TAFA1: variants seen among roughly 807,000 people sequenced by gnomAD.
TAFA1 encodes the protein TAFA chemokine like family member 1, also known as chemokine-like protein TAFA-1.
A neutral mutation model predicts 18.5 loss-of-function variants in TAFA1; 4 were observed. That is an observed-to-expected ratio of 0.22 (90% CI 0.11 to 0.49). The LOEUF (loss-of-function observed/expected upper bound fraction) is 0.49. TAFA1 is among the 20% of genes least tolerant of loss of function. The probability of loss-of-function intolerance (pLI) is 0.98; values close to 1 mark genes in which losing one functional copy is unlikely to be tolerated. For synonymous variants in TAFA1, 56 were observed against 55.2 expected, an observed-to-expected ratio of 1.01 and a Z score of -0.06; for missense variants, 147 against 169.0, an observed-to-expected ratio of 0.87 and a Z score of 0.72.
chr3:68,377,681 GATCTTAGCAGTATCCCCTCCC>G (rs2069845049), intron 2 of TAFA1, among the ~76,000 whole-genome samples: 1 of 152,170 alleles, frequency 6.6e-6, no homozygotes, highest in South Asian at 2.1e-4. Context: ...GCATGTCAGA[GATCTTAGCAGTATCCCCTCCC>G]ATCACAGGCC....
intron 3 of TAFA1, among the ~76,000 whole-genome samples, chr3:68,491,366 A>G (rs1360240195): frequency 6.6e-6 from 1 of 152,180 alleles, no homozygotes; most frequent in East Asian, 1.9e-4. Flanking sequence ...GCCATAAAAA[A>G]TGATGAGTTC....
intron 3 of TAFA1, among the ~76,000 whole-genome samples, chr3:68,505,218 CA>C (rs1471543344): frequency 3.3e-5 from 5 of 152,052 alleles, no homozygotes; most frequent in African/African-American, 1.2e-4. Flanking sequence ...AGTGTTCAAC[CA>C]AACACAAAAA....
intron 2 of TAFA1, among the ~76,000 whole-genome samples, chr3:68,175,184 C>T (rs988413366): frequency 1.5e-4 from 23 of 152,144 alleles, no homozygotes; most frequent in Non-Finnish European, 2.4e-4. Context: ...TTGCTGCAGG[C>T]GCAGGGCCCT....
chr3:68,525,284 G>A (rs899978566), intron 3 of TAFA1, among the ~76,000 whole-genome samples: 12 of 152,164 alleles, frequency 7.9e-5, no homozygotes, highest in South Asian at 4.1e-4. Flanking sequence ...CTGGTTTAGC[G>A]GGTTTGATAT....
chr3:68,366,560 G>C (rs1417973330), intron 2 of TAFA1, among the ~76,000 whole-genome samples: 1 of 151,678 alleles, frequency 6.6e-6, no homozygotes, highest in African/African-American at 2.4e-5. Flanking sequence ...CCATGAAGTA[G>C]TGTAATGTAG....
At chr3:67,993,165 TG>T in the TAFA1 span, among the ~76,000 whole-genome samples, 1 of 152,230 alleles carries the variant, frequency 6.6e-6, no homozygotes, top group Non-Finnish European at 1.5e-5. Flanking sequence ...AAATATATAT[TG>T]GGTAGTAGGC....
intron 2 of TAFA1, among the ~76,000 whole-genome samples, chr3:68,122,084 G>T (rs761704713): frequency 1.3e-5 from 2 of 151,994 alleles, no homozygotes; most frequent in South Asian, 4.1e-4. Context: ...ATTTTACCAA[G>T]AAACAAATGG....
At chr3:68,251,959 G>T (rs1439911912) in intron 2 of TAFA1, among the ~76,000 whole-genome samples, 2 of 152,258 alleles carry the variant, frequency 1.3e-5, no homozygotes, top group Middle Eastern at 3.4e-3. Flanking sequence ...ACTCACACTG[G>T]GGTCTATGCA....
chr3:68,196,639 T>C (rs1042762074), intron 2 of TAFA1, among the ~76,000 whole-genome samples: 1 of 151,798 alleles, frequency 6.6e-6, no homozygotes, highest in Non-Finnish European at 1.5e-5. Flanking sequence ...TCTATTTTTC[T>C]GTGTTATATT....
At chr3:68,067,323 A>AT (rs1261013965) in intron 2 of TAFA1, among the ~76,000 whole-genome samples, 3 of 151,812 alleles carry the variant, frequency 2.0e-5, no homozygotes, top group Non-Finnish European at 4.4e-5. Context: ...TTCCTTCATC[A>AT]TTTTTTCATT....
At chr3:68,326,820 A>G (rs2068783977) in intron 2 of TAFA1, among the ~76,000 whole-genome samples, 2 of 152,192 alleles carry the variant, frequency 1.3e-5, no homozygotes, top group Admixed American at 6.5e-5. Context: ...ATAAATAAAT[A>G]GGGGCTGAGA....
At chr3:68,314,383 A>G (rs2068572146) in intron 2 of TAFA1, among the ~76,000 whole-genome samples, 1 of 152,190 alleles carries the variant, frequency 6.6e-6, no homozygotes, top group African/African-American at 2.4e-5. Flanking sequence ...CTACAGAGTT[A>G]CAGCAAAGTC....
intron 3 of TAFA1, among the ~76,000 whole-genome samples, chr3:68,505,281 T>C (rs2072727926): frequency 6.6e-6 from 1 of 152,286 alleles, no homozygotes; most frequent in South Asian, 2.1e-4. Context: ...GCTGTATTCT[T>C]CCAAAGTCTT....
chr3:68,150,582 T>A (rs1179840728), intron 2 of TAFA1, among the ~76,000 whole-genome samples: 1 of 152,160 alleles, frequency 6.6e-6, no homozygotes, highest in East Asian at 1.9e-4. Flanking sequence ...GGGTTCTTGC[T>A]GCTTCACCAA....
At chr3:68,529,569 T>C (rs1352749785) in intron 3 of TAFA1, among the ~76,000 whole-genome samples, 1 of 151,478 alleles carries the variant, frequency 6.6e-6, no homozygotes, top group Non-Finnish European at 1.5e-5. Flanking sequence ...GGGTAATTTA[T>C]AAATAAAAAA....
chr3:68,355,863 A>T (rs2069352310), intron 2 of TAFA1, among the ~76,000 whole-genome samples: 1 of 152,038 alleles, frequency 6.6e-6, no homozygotes, highest in Non-Finnish European at 1.5e-5. Context: ...AGACTGAATG[A>T]TTGTAGCTAG....
chr3:68,080,814 T>A (rs1037750402), intron 2 of TAFA1, among the ~76,000 whole-genome samples: 1 of 152,182 alleles, frequency 6.6e-6, no homozygotes, highest in African/African-American at 2.4e-5. Context: ...TCTCGAGGAG[T>A]ACCTTTGTGG....
At chr3:68,497,139 C>T (rs1475325976) in intron 3 of TAFA1, among the ~76,000 whole-genome samples, 2 of 152,248 alleles carry the variant, frequency 1.3e-5, no homozygotes, top group East Asian at 3.9e-4. Flanking sequence ...TGCCAATGTC[C>T]TTGGCTAAAC....
chr3:68,186,884 G>C (rs552256934), intron 2 of TAFA1, among the ~76,000 whole-genome samples: 1 of 152,018 alleles, frequency 6.6e-6, no homozygotes, highest in East Asian at 1.9e-4. Flanking sequence ...AACATACCAT[G>C]GGCCTAGCCC....
Sources: gnomAD v4.1 joint callset for allele counts (sites outside exome capture counted in the v4.1 genomes callset) on GRCh38, gnomAD v4.1.1 for gene constraint, MANE v1.5 for transcripts, NCBI Gene and HGNC (gene_info 2026-07-23, HGNC 2026-07-21) for gene names.